Variants in YTHDC2 observed in about 807,000 individuals in gnomAD.
The protein encoded by YTHDC2 is 3'-5' RNA helicase YTHDC2.
Under a neutral mutation model 174.9 loss-of-function variants are expected in YTHDC2, and 45 were observed. That is an observed-to-expected ratio of 0.26 (90% CI 0.20 to 0.33). The LOEUF (loss-of-function observed/expected upper bound fraction) is 0.33, where lower values mean the gene tolerates loss of function less well. Ranked by LOEUF, YTHDC2 falls within the 10% of genes least tolerant of loss-of-function variation. The probability of loss-of-function intolerance (pLI) is 1.00; values close to 1 mark genes in which losing one functional copy is unlikely to be tolerated. For synonymous variants in YTHDC2, 657 were observed against 574.5 expected, an observed-to-expected ratio of 1.14 and a Z score of -2.05; for missense variants, 1,650 against 1,723.7, an observed-to-expected ratio of 0.96 and a Z score of 0.76.
chr5:113,542,250 C>A (rs1014806680), intron 9 of YTHDC2, 118 bp from the exon 10 acceptor site: 2 of 1,041,210 alleles, frequency 1.9e-6, no homozygotes, highest in African/African-American at 1.6e-5. Flanking sequence ...TATGTCAAAG[C>A]ATTTGCTATA....
intron 7 of YTHDC2, 131 bp from the exon 8 acceptor site, chr5:113,538,943 A>G: frequency 2.0e-6 from 1 of 498,790 alleles, no homozygotes; most frequent in Non-Finnish European, 3.5e-6. Flanking sequence ...GGACAATATT[A>G]TAAGAGTCAC....
At chr5:113,558,921 CAAA>C (rs60017425) in intron 17 of YTHDC2, among the ~76,000 whole-genome samples, 10 of 121,282 alleles carry the variant, frequency 8.2e-5, no homozygotes, top group Admixed American at 8.5e-5. Flanking sequence ...GACTCCGTCT[CAAA>C]AAAAAAAAAA....
intron 9 of YTHDC2, among the ~76,000 whole-genome samples, 168 bp from the exon 10 acceptor site, chr5:113,542,200 A>G (rs995072047): frequency 1.3e-5 from 2 of 152,244 alleles, no homozygotes; most frequent in African/African-American, 4.8e-5. Flanking sequence ...TAGATACTGT[A>G]TTGTGAGTGA....
At chr5:113,541,556 C>G (rs1187875107) in intron 9 of YTHDC2, among the ~76,000 whole-genome samples, 1 of 151,988 alleles carries the variant, frequency 6.6e-6, no homozygotes, top group Non-Finnish European at 1.5e-5. Flanking sequence ...AGACCACAAC[C>G]AATTTTTCAG....
chr5:113,520,599 C>G (rs1333454278), intron 2 of YTHDC2, among the ~76,000 whole-genome samples: 1 of 151,554 alleles, frequency 6.6e-6, no homozygotes, highest in Non-Finnish European at 1.5e-5. Flanking sequence ...GTATTTACCA[C>G]AAGGGAAAGG....
chr5:113,590,845 A>G (rs1478070952), intron 26 of YTHDC2, among the ~76,000 whole-genome samples, 196 bp from the exon 27 acceptor site: 1 of 152,246 alleles, frequency 6.6e-6, no homozygotes, highest in African/African-American at 2.4e-5. Context: ...GAATGCTCTG[A>G]AAATGAGTAC....
intron 2 of YTHDC2, among the ~76,000 whole-genome samples, chr5:113,523,811 A>G (rs1363997229): frequency 6.6e-6 from 1 of 152,260 alleles, no homozygotes; most frequent in East Asian, 1.9e-4. Flanking sequence ...TAAAATTTAC[A>G]TCTAATGAAA....
rs1250184730 is a variant in YTHDC2 at position 113,520,653 on chromosome 5, C to T, written c.279-4328C>T. Among the ~76,000 whole-genome samples, 6 of 152,232 alleles carry T rather than the reference C, an allele frequency of 3.9e-5. No individual in the cohort carries two copies. In the East Asian group the frequency reaches 1.2e-3, roughly 29 times the overall value. On this transcript the variant is annotated intron_variant, in intron 2 of 29. Coordinates refer to ENST00000161863, the MANE Select transcript of YTHDC2 (RefSeq NM_022828.5). ...GTGGATGACTCCCATGGCCTTAGTG[C>T]ACTTTTTGTTCACAGAAGTGAGCAA...
chr5:113,533,094 CTA>C (rs1561636937), intron 5 of YTHDC2, 49 bp downstream of exon 5: 1 of 1,588,042 alleles, frequency 6.3e-7, no homozygotes, highest in East Asian at 2.3e-5. Context: ...TTAAAAAAGA[CTA>C]TGTATATTTC....
At chr5:113,524,324 T>G (rs1247113025) in intron 2 of YTHDC2, among the ~76,000 whole-genome samples, 1 of 152,172 alleles carries the variant, frequency 6.6e-6, no homozygotes, top group African/African-American at 2.4e-5. Flanking sequence ...ATATGCTCAG[T>G]CCTGGACCAG....
intron 2 of YTHDC2, among the ~76,000 whole-genome samples, chr5:113,519,472 T>A (rs1311112148): frequency 2.0e-5 from 3 of 152,204 alleles, no homozygotes; most frequent in Non-Finnish European, 4.4e-5. Flanking sequence ...TAGACAAAAA[T>A]GGATTTTACA....
In YTHDC2 at chr5:113,593,103, G is replaced by A; in HGVS notation, c.4213-200G>A. 2 of 384,942 alleles carry A rather than the reference G, an allele frequency of 5.2e-6. 1 individual carries two copies. Among genetic ancestry groups the A allele is most frequent in the Non-Finnish European group, 9.4e-6 (2 of 211,704 alleles). 23.8% of individuals were successfully genotyped at this position (384,942 alleles called of 1,614,324 possible). A position where few individuals can be genotyped will look rare whatever the true frequency, so the allele number is the denominator to read the frequency against. Reference sequence around the variant, plus strand: ...AGTTGAGAGATTTTGCAGATTAACTGTAATCTTAAATCTGGAAGTCAACTC... The same window carrying A: ...AGTTGAGAGATTTTGCAGATTAACTATAATCTTAAATCTGGAAGTCAACTC... On this transcript the variant is annotated intron_variant, in intron 28 of 29. Coordinates refer to ENST00000161863, the MANE Select transcript of YTHDC2 (RefSeq NM_022828.5).
At position 113,564,047 on chromosome 5, in the gene YTHDC2, T is replaced by G. The variant is rs1242201849; in HGVS notation, c.2631T>G (p.Ser877=). The G allele has an allele frequency of 3.1e-6, 5 of 1,614,000 alleles. No individual in the cohort carries two copies. The African/African-American group carries it at 6.7e-5, about 22-fold the overall frequency. Residue 877 remains serine, a synonymous_variant, in exon 20 of 30, where the codon TCT becomes TCG. Transcript: ENST00000161863. ...CTTTTGTACTACCTACTCAGGCCTC[T>G]CAAAAACGTGCAGCTATGCTTTGTA... ...RDPFVLPTQA[S]QKRAAMLCRK... is the part of the protein sequence containing the mutation.
chr5:113,530,187 A>G (rs1328929008), intron 4 of YTHDC2, among the ~76,000 whole-genome samples: 1 of 152,072 alleles, frequency 6.6e-6, no homozygotes, highest in Non-Finnish European at 1.5e-5. Context: ...ATCAGGTAGG[A>G]ATTTTACTTT....
chr5:113,569,462 T>A (rs1359923167), intron 23 of YTHDC2, among the ~76,000 whole-genome samples: 1 of 152,316 alleles, frequency 6.6e-6, no homozygotes, highest in East Asian at 1.9e-4. Flanking sequence ...TCTTCGAGGG[T>A]TTTTATGGTT....
chr5:113,586,461 G>A (rs199939983), intron 26 of YTHDC2, among the ~76,000 whole-genome samples: 1 of 151,852 alleles, frequency 6.6e-6, no homozygotes. Context: ...TATGTGGCTT[G>A]TCTTTCCATT....
At chr5:113,547,241 G>T (rs989814591) in intron 10 of YTHDC2, among the ~76,000 whole-genome samples, 1 of 152,176 alleles carries the variant, frequency 6.6e-6, no homozygotes, top group African/African-American at 2.4e-5. Context: ...AGTTGAAGAA[G>T]TAATTTGCAT....
At chr5:113,544,782 T>G (rs1775744891) in intron 10 of YTHDC2, among the ~76,000 whole-genome samples, 1 of 152,098 alleles carries the variant, frequency 6.6e-6, no homozygotes, top group South Asian at 2.1e-4. Context: ...CTGGTCTGCC[T>G]TCTCTGGATA....
chr5:113,589,408 AATAT>A lies in YTHDC2; in HGVS notation c.3826-1612_3826-1609del, dbSNP rs34243829. On this transcript the variant is annotated intron_variant, in intron 26 of 29. Transcript: ENST00000161863. ...TCTTTTAAAAATTAAAAAAAAAAAA[AATAT>A]ATATATATATATATATATATGTATA... Among the ~76,000 whole-genome samples the A allele has an allele frequency of 1.2e-3, 149 of 123,236 alleles. 2 individuals carry two copies. Among genetic ancestry groups the A allele is most frequent in the African/African-American group, 5.0e-3 (145 of 29,290 alleles). The allele number at this position is 123,236 out of a possible 152,430, so 80.8% of individuals were successfully genotyped here.
Sources: allele counts gnomAD v4.1 joint callset (sites outside exome capture counted in the v4.1 genomes callset), GRCh38; gene constraint gnomAD v4.1.1; transcripts MANE v1.5; gene names NCBI Gene and HGNC (gene_info 2026-07-23, HGNC 2026-07-21).